The following OTOGL variants were observed in gnomAD, a reference collection of about 807,000 sequenced individuals.
OTOGL encodes otogelin like.
OTOGL carries 285 observed loss-of-function variants against 318.5 expected under a neutral mutation model. That is an observed-to-expected ratio of 0.89 (90% CI 0.81 to 0.99). OTOGL has a LOEUF of 0.99. Ranked by LOEUF, OTOGL falls within the 50% of genes least tolerant of loss-of-function variation. OTOGL has a pLI of 0.00. For synonymous variants in OTOGL, 987 were observed against 936.5 expected, an observed-to-expected ratio of 1.05 and a Z score of -0.99; for missense variants, 2,899 against 2,845.6, an observed-to-expected ratio of 1.02 and a Z score of -0.43.
At chr12:80,341,925 T>A (rs1365161769) in intron 43 of OTOGL, 23 bp from the exon 44 acceptor site, 1 of 1,526,334 alleles carries the variant, frequency 6.6e-7, no homozygotes. Flanking sequence ...TTTTTTCTTC[T>A]AACTGTCATA....
At chr12:80,236,767 A>G (rs1325677191) in intron 9 of OTOGL, among the ~76,000 whole-genome samples, 1 of 151,400 alleles carries the variant, frequency 6.6e-6, no homozygotes, top group Non-Finnish European at 1.5e-5. Flanking sequence ...AGAAAGCCCT[A>G]GGATTCTTTT....
chr12:80,181,867 C>T (rs1874946599), intron 1 of OTOGL, among the ~76,000 whole-genome samples: 1 of 152,090 alleles, frequency 6.6e-6, no homozygotes, highest in Non-Finnish European at 1.5e-5. Context: ...CTGATTGAGA[C>T]ATATACTTTA....
At chr12:80,231,883 C>T (rs1879396725) in intron 8 of OTOGL, among the ~76,000 whole-genome samples, 2 of 151,726 alleles carry the variant, frequency 1.3e-5, no homozygotes, top group South Asian at 4.2e-4. Flanking sequence ...GTGATCCACC[C>T]ACCTTGGCCT....
At chr12:80,227,479 T>C (rs1379148091) in intron 7 of OTOGL, among the ~76,000 whole-genome samples, 1 of 152,178 alleles carries the variant, frequency 6.6e-6, no homozygotes, top group African/African-American at 2.4e-5. Flanking sequence ...GATTCATGAA[T>C]ATTTGTTCAC....
At chr12:80,148,275 C>T (rs540765791) in intron 1 of OTOGL, among the ~76,000 whole-genome samples, 211 of 145,694 alleles carry the variant, frequency 1.4e-3, no homozygotes, top group African/African-American at 5.0e-3. Context: ...TCAGCATTTG[C>T]TTGTCTGTAA....
In OTOGL at chr12:80,257,937, C is replaced by A. The variant is rs577298825; in HGVS notation, c.1824C>A (p.Ser608Arg). 3 of 1,597,688 alleles carry A rather than the reference C, an allele frequency of 1.9e-6. No individual in the cohort carries two copies. The highest frequency in any genetic ancestry group is 1.3e-5 in the African/African-American group (1 of 74,756). The change falls in exon 18 of 59, where the codon AGC (serine) becomes AGA (arginine). Residue 608 changes from serine to arginine, a missense_variant. Around this residue, in one of 3 missense-constraint regions of OTOGL, gnomAD observed 2,607 missense variants for 2,524.9 expected, o/e 1.03. Coordinates refer to ENST00000547103, the MANE Select transcript of OTOGL (RefSeq NM_001378609.3). The part of the protein sequence containing the change: ...DGERIYIQLT[S>R]AWKRRTLGLC... ...AAAGAATTTATATTCAGCTTACTAG[C>A]GCATGGAAAAGAAGAACATTAGGTC... is the stretch of plus-strand genomic sequence containing the variant.
chr12:80,238,852 G>C lies in OTOGL; in HGVS notation c.819G>C (p.Glu273Asp), dbSNP rs755568537. The C allele has an allele frequency of 4.6e-6, 7 of 1,538,032 alleles. No individual in the cohort carries two copies. Among genetic ancestry groups the C allele is most frequent in the Non-Finnish European group, 6.1e-6 (7 of 1,148,042 alleles). The change falls in exon 10 of 59, where the codon GAG (glutamate) becomes GAC (aspartate). Residue 273 changes from glutamate (E) to aspartate (D), a missense_variant and splice_region_variant. Physicochemically the swap from Glu to Asp is conservative, Grantham distance 45. Transcript: ENST00000547103. ...TGTGTGTGTGCCTGTGTGAAATAGA[G>C]GACTATACAGAAGACATCGCTATGT... ...IQSDDFIILQEDYTEDIAMFA... is the reference protein window; with the variant it reads ...IQSDDFIILQDDYTEDIAMFA...
chr12:80,299,050 C>T (rs1885591472), intron 27 of OTOGL, among the ~76,000 whole-genome samples: 1 of 152,134 alleles, frequency 6.6e-6, no homozygotes, highest in East Asian at 1.9e-4. Flanking sequence ...TTTCTGGGCC[C>T]TACTTCAGTA....
At chr12:80,297,965 G>T (rs1219929161) in intron 27 of OTOGL, among the ~76,000 whole-genome samples, 1 of 152,128 alleles carries the variant, frequency 6.6e-6, no homozygotes, top group Admixed American at 6.5e-5. Context: ...GAAACTACTT[G>T]TGAGCTTGTC....
intron 1 of OTOGL, among the ~76,000 whole-genome samples, chr12:80,186,792 G>C (rs1875325570): frequency 1.3e-5 from 2 of 152,014 alleles, no homozygotes; most frequent in South Asian, 4.1e-4. Context: ...AAAACTGTTT[G>C]AAGTTTTGCT....
intron 1 of OTOGL, among the ~76,000 whole-genome samples, chr12:80,145,904 A>G (rs984587360): frequency 2.0e-5 from 3 of 151,178 alleles, no homozygotes; most frequent in East Asian, 3.9e-4. Flanking sequence ...TTGTACATTG[A>G]TTTTGTATCC....
At chr12:80,195,611 CAGAT>C (rs1876002441) in intron 1 of OTOGL, among the ~76,000 whole-genome samples, 1 of 152,144 alleles carries the variant, frequency 6.6e-6, no homozygotes, top group Non-Finnish European at 1.5e-5. Flanking sequence ...GTGTATTACT[CAGAT>C]AGAAGTCCAG....
At chr12:80,224,747 G>T (rs1437644944) in intron 7 of OTOGL, among the ~76,000 whole-genome samples, 1 of 152,064 alleles carries the variant, frequency 6.6e-6, no homozygotes, top group African/African-American at 2.4e-5. Flanking sequence ...TAGGGCTACT[G>T]ATTTGTGTAG....
chr12:80,137,534 C>T (rs1213292504), intron 1 of OTOGL, among the ~76,000 whole-genome samples: 1 of 152,138 alleles, frequency 6.6e-6, no homozygotes, highest in Non-Finnish European at 1.5e-5. Context: ...TATCATTTTT[C>T]TGCTCAGTGC....
At chr12:80,342,951 G>A (rs1221415371) in intron 44 of OTOGL, among the ~76,000 whole-genome samples, 1 of 151,942 alleles carries the variant, frequency 6.6e-6, no homozygotes, top group Non-Finnish European at 1.5e-5. Context: ...GCACGATCTC[G>A]GCTCACTGCA....
At chr12:80,298,647 TAA>T (rs1885568961) in intron 27 of OTOGL, among the ~76,000 whole-genome samples, 1 of 152,120 alleles carries the variant, frequency 6.6e-6, no homozygotes, top group Non-Finnish European at 1.5e-5. Context: ...TACAGACGAA[TAA>T]ACCCACTCAG....
intron 38 of OTOGL, among the ~76,000 whole-genome samples, chr12:80,335,035 A>G (rs1246956961): frequency 3.3e-5 from 5 of 152,172 alleles, no homozygotes; most frequent in Admixed American, 2.6e-4. Flanking sequence ...AAAATCATAT[A>G]TTATATTGGA....
chr12:80,209,440 T>G lies in OTOGL; in HGVS notation c.9T>G (p.Ile3Met), dbSNP rs1877068642. ...GGAAAGGCTACACTGAAATGAACAT[T>G]GTAAGAAAACTCAATTTAATGATAC... Reference protein sequence around the residue: MNIVRKLNLMIPW... With the variant: MNMVRKLNLMIPW... The change falls in exon 2 of 59, where the codon ATT becomes ATG. Residue 3 changes from isoleucine to methionine, a missense_variant. Physicochemically the swap from Ile to Met is conservative, Grantham distance 10. Around this residue, in one of 3 missense-constraint regions of OTOGL, gnomAD observed 2,607 missense variants for 2,524.9 expected, o/e 1.03. Coordinates refer to ENST00000547103, the MANE Select transcript of OTOGL (RefSeq NM_001378609.3). 4 of 1,502,312 alleles carry G rather than the reference T, an allele frequency of 2.7e-6. No homozygotes were observed. Among genetic ancestry groups the G allele is most frequent in the Admixed American group, 4.1e-5 (2 of 48,814 alleles). 93.1% of individuals were successfully genotyped at this position (1,502,312 alleles called of 1,614,324 possible).
rs140504158 is a variant in OTOGL, at chr12:80,310,607, A to G, written c.3334-4A>G. On this transcript the variant is annotated splice_polypyrimidine_tract_variant and splice_region_variant and intron_variant, in intron 29 of 58. Coordinates refer to ENST00000547103, the MANE Select transcript of OTOGL (RefSeq NM_001378609.3). ...TTCTTTTCTCTCTTAAATTTTTTCAACAGTGTGAAAGTCCAGATGAAACAA... is the reference window on the plus strand; with the variant it reads ...TTCTTTTCTCTCTTAAATTTTTTCAGCAGTGTGAAAGTCCAGATGAAACAA... 5 of 1,563,592 alleles carry G rather than the reference A, an allele frequency of 3.2e-6. No homozygotes were observed. The African/African-American group carries it at 6.8e-5, about 21-fold the overall frequency.
Sources: allele counts gnomAD v4.1 joint callset (sites outside exome capture counted in the v4.1 genomes callset), GRCh38; gene constraint gnomAD v4.1.1; regional missense constraint gnomAD v4.1.1; transcripts MANE v1.5; gene names NCBI Gene and HGNC (gene_info 2026-07-23, HGNC 2026-07-21).